FCHSD1: variants seen among roughly 807,000 people sequenced by gnomAD.
FCHSD1 encodes FCH and double SH3 domains 1.
In FCHSD1, 109 loss-of-function variants were observed where a neutral mutation model predicts 101.3. The observed-to-expected ratio is 1.08, with a 90% CI of 0.92 to 1.26. The LOEUF is 1.26. FCHSD1 is among the 50% of genes most tolerant of loss of function. FCHSD1 has a pLI of 0.00. For synonymous variants in FCHSD1, 291 were observed against 356.8 expected (o/e 0.82, Z 2.08); for missense variants, 820 against 895.8 (o/e 0.92, Z 1.08).
chr5:141,649,476 T>A lies in FCHSD1; in HGVS notation c.294A>T (p.Gln98His). 1 of 1,613,874 alleles carries A rather than the reference T, an allele frequency of 6.2e-7. No individual in the cohort carries two copies. The highest frequency in any genetic ancestry group is 2.2e-5 in the East Asian group (1 of 44,882). The change falls in exon 5 of 20, where the codon CAA becomes CAT. Residue 98 changes from glutamine to histidine, a missense_variant. Physicochemically the swap from Gln to His is conservative, Grantham distance 24. Transcript: ENST00000435817. This position sits in a 1 kb window ranked among gnomAD's most constrained non-coding sequence, Gnocchi z 4.1. Reference sequence around the variant, plus strand: ...ATCGGTCAGACGCCTGGAGTCGGGTTTGGCCCCCAGCCACGGTGGCATCCA... The same window carrying A: ...ATCGGTCAGACGCCTGGAGTCGGGTATGGCCCCCAGCCACGGTGGCATCCA... ...CLLDATVAGG[Q>H]TRLQASDRYR...
At position 141,640,034 on chromosome 5, in the gene FCHSD1, G is replaced by A. The variant is rs549495978; in HGVS notation, c.*1464C>T. The A allele has an allele frequency of 1.1e-5, 17 of 1,613,468 alleles. No individual in the cohort carries two copies. Among genetic ancestry groups the A allele is most frequent in the African/African-American group, 1.3e-5 (1 of 74,918 alleles). The stretch of plus-strand genomic sequence containing the variant: ...GACAGGACCCAGGGGGTGGTCAGGG[G>A]TCTGGGGGAGGGCAGCCCAAGGCAG... On this transcript the variant is annotated 3_prime_UTR_variant, in exon 20 of 20. Coordinates refer to ENST00000435817, the MANE Select transcript of FCHSD1 (RefSeq NM_033449.3).
chr5:141,639,308 C>G lies in FCHSD1; in HGVS notation c.*2190G>C, dbSNP rs570051558. ...AGGAAGAACATATGGTCACTAACAT[C>G]TTAATATTGAGTTTATTAGATAAAG... On this transcript the variant is annotated 3_prime_UTR_variant, in exon 20 of 20. Coordinates refer to ENST00000435817, the MANE Select transcript of FCHSD1 (RefSeq NM_033449.3). This position sits in a 1 kb window ranked among gnomAD's most constrained non-coding sequence, Gnocchi z 4.4. 2.8e-5 allele frequency: 18 copies of G among 642,710 alleles called. No homozygotes were observed. The highest frequency in any genetic ancestry group is 4.5e-5 in the Non-Finnish European group (17 of 378,338). The allele number at this position is 642,710 out of a possible 1,614,324, so 39.8% of individuals were successfully genotyped here. A position where few individuals can be genotyped will look rare whatever the true frequency, so the allele number is the denominator to read the frequency against.
At position 141,646,577 on chromosome 5, in the gene FCHSD1, A is replaced by G. The variant is rs778613820; in HGVS notation, c.1044+26T>C. On this transcript the variant is annotated intron_variant, in intron 11 of 19. Transcript: ENST00000435817. The stretch of plus-strand genomic sequence containing the variant: ...TTCTTGCTGAGACAAGAAGGTGCAC[A>G]TGACACCTGTGCCCCCCCACCTCAC... 1.7e-5 allele frequency: 28 copies of G among 1,601,280 alleles called. No homozygotes were observed. The South Asian group carries it at 2.1e-4, about 12-fold the overall frequency.
At position 141,648,844 on chromosome 5, in the gene FCHSD1, T is replaced by C. The variant is rs2154598472; in HGVS notation, c.576+113A>G. ...TAACCAAGGTTACCCACCCAGGAAGTAGGAGAGCCTGGATTCAACCCAGTC... is the reference window on the plus strand; with the variant it reads ...TAACCAAGGTTACCCACCCAGGAAGCAGGAGAGCCTGGATTCAACCCAGTC... On this transcript the variant is annotated intron_variant, in intron 7 of 19. Transcript: ENST00000435817. 3.2e-6 allele frequency: 4 copies of C among 1,233,612 alleles called. No individual in the cohort carries two copies. The Admixed American group carries it at 7.3e-5, about 22-fold the overall frequency. The allele number at this position is 1,233,612 out of a possible 1,614,324, so 76.4% of individuals were successfully genotyped here. A position where few individuals can be genotyped will look rare whatever the true frequency, so the allele number is the denominator to read the frequency against.
intron 18 of FCHSD1, chr5:141,642,540 T>A (rs1241124962): frequency 1.9e-6 from 1 of 521,960 alleles, no homozygotes; most frequent in Non-Finnish European, 3.3e-6. Flanking sequence ...CTATAGACAT[T>A]TAAAAAAGAA....
In FCHSD1 at chr5:141,649,516, G is replaced by A. The variant is rs972423156; in HGVS notation, c.254C>T (p.Ala85Val). ...GGTGGCATCCAGCAGGCAGCGCCAGGCACCGAACACTGTCCTGCCCCTCCC... is the reference window on the plus strand; with the variant it reads ...GGTGGCATCCAGCAGGCAGCGCCAGACACCGAACACTGTCCTGCCCCTCCC... ...MDSRGRTVFG[A>V]WRCLLDATVA... Residue 85 changes from alanine to valine, a missense_variant, in exon 5 of 20, where the codon GCC becomes GTC. Coordinates refer to ENST00000435817, the MANE Select transcript of FCHSD1 (RefSeq NM_033449.3). This position sits in a 1 kb window ranked among gnomAD's most constrained non-coding sequence, Gnocchi z 4.1. 6.2e-6 allele frequency: 10 copies of A among 1,613,096 alleles called. No homozygotes were observed. Among genetic ancestry groups the A allele is most frequent in the Non-Finnish European group, 8.5e-6 (10 of 1,179,816 alleles).
intron 7 of FCHSD1, among the ~76,000 whole-genome samples, chr5:141,648,313 G>A (rs1216826396): frequency 6.6e-6 from 1 of 152,114 alleles, no homozygotes; most frequent in Non-Finnish European, 1.5e-5. Context: ...CCTTACCATG[G>A]TCCACCACGT....
intron 11 of FCHSD1, 150 bp from the exon 12 acceptor site, chr5:141,646,341 T>C (rs2099907649): frequency 1.1e-6 from 1 of 936,828 alleles, no homozygotes; most frequent in African/African-American, 1.6e-5. Flanking sequence ...ACTTTAGTGA[T>C]GAGGAAATTG....
rs1206622709 is a variant in FCHSD1 at position 141,646,710 on chromosome 5, C to G, written c.937G>C (p.Glu313Gln). ...PAGTDQVCVLEWGAEGVAGKS... is the reference protein window; with the variant it reads ...PAGTDQVCVLQWGAEGVAGKS... Reference sequence around the variant, plus strand: ...CCAGCCACGCCTTCTGCTCCCCACTCCAGGACACACACCTGAATGGGTCAG... The same window carrying G: ...CCAGCCACGCCTTCTGCTCCCCACTGCAGGACACACACCTGAATGGGTCAG... Residue 313 changes from glutamate to glutamine, a missense_variant, in exon 11 of 20, where the codon GAG becomes CAG. Transcript: ENST00000435817. The G allele has an allele frequency of 1.2e-6, 2 of 1,612,934 alleles. No homozygotes were observed. Among genetic ancestry groups the G allele is most frequent in the Non-Finnish European group, 8.5e-7 (1 of 1,179,718 alleles).
intron 17 of FCHSD1, 80 bp from the exon 18 acceptor site, chr5:141,643,168 TC>T: frequency 8.9e-7 from 1 of 1,120,856 alleles, no homozygotes; most frequent in South Asian, 1.8e-5. Flanking sequence ...CATCTCCAGT[TC>T]CTTCCTCATC....
intron 18 of FCHSD1, chr5:141,642,378 G>A (rs1346587218): frequency 1.2e-5 from 8 of 688,948 alleles, no homozygotes; most frequent in Non-Finnish European, 5.2e-6. Context: ...AGAGGCAGGG[G>A]CGAGGGTTGA....
In FCHSD1 at chr5:141,645,937, C is replaced by CA; in HGVS notation, c.1150-6dup. 1 of 1,560,850 alleles carries CA rather than the reference C, an allele frequency of 6.4e-7. No individual in the cohort carries two copies. The highest frequency in any genetic ancestry group is 8.7e-7 in the Non-Finnish European group (1 of 1,151,794). On this transcript the variant is annotated splice_region_variant and splice_polypyrimidine_tract_variant and intron_variant, in intron 12 of 19. Transcript: ENST00000435817. ...AGCCCCCTTCACCTGGCTCACCTGC[C>CA]ATGGGGAGGAAGTAAGTTAGTGGAA...
At chr5:141,650,906 G>A in intron 2 of FCHSD1, 114 bp downstream of exon 2, 1 of 983,370 alleles carries the variant, frequency 1.0e-6, no homozygotes, top group East Asian at 2.6e-5. Context: ...GGCTGTGGAT[G>A]GGTCGGCTGG....
intron 11 of FCHSD1, 118 bp from the exon 12 acceptor site, chr5:141,646,309 G>T (rs1005839644): frequency 3.7e-6 from 4 of 1,066,888 alleles, no homozygotes; most frequent in Non-Finnish European, 5.6e-6. Flanking sequence ...TTCCCTATGA[G>T]GTGGGTGCTA....
intron 2 of FCHSD1, 88 bp from the exon 3 acceptor site, chr5:141,650,492 G>A (rs2099908241): frequency 1.3e-6 from 2 of 1,557,778 alleles, no homozygotes; most frequent in African/African-American, 1.4e-5. Flanking sequence ...CTCTGGGCAG[G>A]AGGGAGCGGT....
Position 141,640,325 on chromosome 5 carries a change from G to T in FCHSD1, c.*1173C>A. Reference sequence around the variant, plus strand: ...GAAAACACAGCCGGGACTGCACTGGGCTGGGCTCTTATTGCTCTCTACTCT... The same window carrying T: ...GAAAACACAGCCGGGACTGCACTGGTCTGGGCTCTTATTGCTCTCTACTCT... On this transcript the variant is annotated 3_prime_UTR_variant, in exon 20 of 20. Transcript: ENST00000435817. The T allele has an allele frequency of 1.9e-6, 3 of 1,613,972 alleles. No homozygotes were observed. The highest frequency in any genetic ancestry group is 2.5e-6 in the Non-Finnish European group (3 of 1,179,892).
intron 2 of FCHSD1, 72 bp from the exon 3 acceptor site, chr5:141,650,476 C>A (rs2099908233): frequency 3.1e-6 from 5 of 1,600,774 alleles, no homozygotes; most frequent in Non-Finnish European, 3.4e-6. Context: ...CATCCTCAGT[C>A]CTCTACTCTG....
At position 141,649,568 on chromosome 5, in the gene FCHSD1, A is replaced by G. The variant is rs1302943222; in HGVS notation, c.234-32T>C. On this transcript the variant is annotated intron_variant, in intron 4 of 19. Transcript: ENST00000435817. This position sits in a 1 kb window ranked among gnomAD's most constrained non-coding sequence, Gnocchi z 4.1. ...AGAGAAGGTCTGTGTTGAGGAGGAG[A>G]GCACTCCACAGCTTCATGAGACCAC... is the stretch of plus-strand genomic sequence containing the variant. The G allele has an allele frequency of 6.3e-7, 1 of 1,596,140 alleles. No individual in the cohort carries two copies. Among genetic ancestry groups the G allele is most frequent in the Non-Finnish European group, 8.5e-7 (1 of 1,172,148 alleles).
chr5:141,651,197 G>A, intron 1 of FCHSD1, 80 bp from the exon 2 acceptor site: 2 of 1,490,516 alleles, frequency 1.3e-6, no homozygotes. Context: ...GAGGGGGCGG[G>A]GCCGGGGGGG....
Sources: allele counts gnomAD v4.1 joint callset (sites outside exome capture counted in the v4.1 genomes callset), GRCh38; gene constraint gnomAD v4.1.1; non-coding constraint Gnocchi (gnomAD v3.1); transcripts MANE v1.5; gene names NCBI Gene and HGNC (gene_info 2026-07-23, HGNC 2026-07-21).